Variants in RHBDL3 observed in about 807,000 individuals in gnomAD.
RHBDL3 encodes rhomboid like 3.
In RHBDL3, 28 loss-of-function variants were observed where a neutral mutation model predicts 48.2. That is an observed-to-expected ratio of 0.58 (90% CI 0.43 to 0.80). The LOEUF (loss-of-function observed/expected upper bound fraction) is 0.80. Ranked by LOEUF, RHBDL3 falls within the 30% of genes least tolerant of loss-of-function variation. RHBDL3 has a pLI of 0.00. For synonymous variants in RHBDL3, 208 were observed against 232.3 expected, an observed-to-expected ratio of 0.90 and a Z score of 0.95; for missense variants, 464 against 542.7, an observed-to-expected ratio of 0.85 and a Z score of 1.44.
Position 32,323,782 on chromosome 17 carries a change from A to G in RHBDL3, c.*2553A>G. 6.6e-6 allele frequency: 1 copy of G among 152,604 alleles called. No homozygotes were observed. Among genetic ancestry groups the G allele is most frequent in the Non-Finnish European group, 1.5e-5 (1 of 68,310 alleles). The allele number at this position is 152,604 out of a possible 1,614,324, so 9.5% of individuals were successfully genotyped here. A position where few individuals can be genotyped will look rare whatever the true frequency, so the allele number is the denominator to read the frequency against. ...CCAGCCCCAGCTGTTCTCTGTCAGC[A>G]CACCCACCTCCATCCCCTCTCCCAA... On this transcript the variant is annotated 3_prime_UTR_variant, in exon 9 of 9. Coordinates refer to ENST00000269051, the MANE Select transcript of RHBDL3 (RefSeq NM_138328.3).
chr17:32,277,117 G>A (rs1293863124), intron 2 of RHBDL3, among the ~76,000 whole-genome samples: 1 of 152,182 alleles, frequency 6.6e-6, no homozygotes, highest in Non-Finnish European at 1.5e-5. Flanking sequence ...CCACCTTCCT[G>A]ACTCAAGAGG....
chr17:32,297,974 A>AACAT, intron 5 of RHBDL3, 118 bp from the exon 6 acceptor site: 2 of 715,200 alleles, frequency 2.8e-6, no homozygotes, highest in South Asian at 3.4e-5. Context: ...TCGCAGGCAG[A>AACAT]GGTGGTCTTG....
chr17:32,267,447 G>T (rs987395498), intron 1 of RHBDL3, among the ~76,000 whole-genome samples: 5 of 151,382 alleles, frequency 3.3e-5, no homozygotes, highest in African/African-American at 1.2e-4. Context: ...GGAGGGGGGG[G>T]CTCTAGCTCC....
chr17:32,302,551 A>T (rs369560193), intron 6 of RHBDL3, among the ~76,000 whole-genome samples: 3,498 of 41,492 alleles, frequency 0.084, 51 homozygotes, highest in Middle Eastern at 0.17. Flanking sequence ...ATATATATAT[A>T]TTTTTTTTTA....
At chr17:32,284,398 G>C in intron 2 of RHBDL3, 1 of 402,940 alleles carries the variant, frequency 2.5e-6, no homozygotes, top group Admixed American at 4.1e-5. Flanking sequence ...GGTGAGAGGA[G>C]GCGGTTTAAC....
chr17:32,272,012 A>G (rs1184213860), intron 2 of RHBDL3, among the ~76,000 whole-genome samples: 5 of 152,220 alleles, frequency 3.3e-5, no homozygotes, highest in Non-Finnish European at 7.3e-5. Flanking sequence ...TTGTGATCGG[A>G]GGTAATTACA....
chr17:32,267,452 A>T (rs1376396982), intron 1 of RHBDL3, among the ~76,000 whole-genome samples: 2 of 147,898 alleles, frequency 1.4e-5, no homozygotes, highest in African/African-American at 5.2e-5. Flanking sequence ...GGGGGGCTCT[A>T]GCTCCCAGCA....
rs980119910 is a variant in RHBDL3 at position 32,309,793 on chromosome 17, T to C, written c.882+4352T>C. Among the ~76,000 whole-genome samples, 9 of 93,470 alleles carry C rather than the reference T, an allele frequency of 9.6e-5. No individual in the cohort carries two copies. The South Asian group carries it at 2.2e-3, about 23-fold the overall frequency. The allele number at this position is 93,470 out of a possible 152,430, so 61.3% of individuals were successfully genotyped here. A position where few individuals can be genotyped will look rare whatever the true frequency, so the allele number is the denominator to read the frequency against. ...TTCTTTTTTTTTTTTTTTTTTTTTT[T>C]TTTTGAGACAGGGTTTCGCTGTGTC... On this transcript the variant is annotated intron_variant, in intron 7 of 8. Coordinates refer to ENST00000269051, the MANE Select transcript of RHBDL3 (RefSeq NM_138328.3).
intron 7 of RHBDL3, 130 bp from the exon 8 acceptor site, chr17:32,316,102 T>C (rs2040966348): frequency 4.3e-6 from 3 of 705,842 alleles, no homozygotes; most frequent in Admixed American, 4.3e-5. Context: ...TGTGTTCTGC[T>C]ACTAAGCCAC....
chr17:32,278,203 C>A (rs1040191713), intron 2 of RHBDL3, among the ~76,000 whole-genome samples: 22 of 152,294 alleles, frequency 1.4e-4, no homozygotes, highest in Admixed American at 6.5e-4. Flanking sequence ...GAGGCTGAGG[C>A]AGGAAAATTG....
At chr17:32,274,270 G>C (rs781704434) in intron 2 of RHBDL3, among the ~76,000 whole-genome samples, 1 of 152,196 alleles carries the variant, frequency 6.6e-6, no homozygotes, top group Non-Finnish European at 1.5e-5. Flanking sequence ...TCCTCTGTCT[G>C]GTGTTCTGAT....
Position 32,321,507 on chromosome 17 carries a change from T to TGAGGGAGGG in RHBDL3, c.*278_*279insGAGGGAGGG. ...CTGGGGTGGGGTGTGAGAGTGGCCC[T>TGAGGGAGGG]CCCTCACCTGGGCTGGGCTTCTTCC... On this transcript the variant is annotated 3_prime_UTR_variant, in exon 9 of 9. Coordinates refer to ENST00000269051, the MANE Select transcript of RHBDL3 (RefSeq NM_138328.3). 1 of 720,998 alleles carries TGAGGGAGGG rather than the reference T, an allele frequency of 1.4e-6. No individual in the cohort carries two copies. The highest frequency in any genetic ancestry group is 2.2e-6 in the Non-Finnish European group (1 of 459,284). The allele number at this position is 720,998 out of a possible 1,614,324, so 44.7% of individuals were successfully genotyped here.
At position 32,266,293 on chromosome 17, in the gene RHBDL3, C is replaced by T. The variant is rs764354150; in HGVS notation, c.104C>T (p.Pro35Leu). 5.5e-6 allele frequency: 8 copies of T among 1,461,912 alleles called. No individual in the cohort carries two copies. Among genetic ancestry groups the T allele is most frequent in the Non-Finnish European group, 5.4e-6 (6 of 1,111,816 alleles). 90.6% of individuals were successfully genotyped at this position (1,461,912 alleles called of 1,614,324 possible). ...GCCGAGGAGCGGCTGCCCGCGGCGC[C>T]GGAGGACGTGAGTGCCCCCTCCCCG... ...PEAEERLPAA[P>L]EDHWKVLFDQ... The change falls in exon 1 of 9, where the codon CCG (proline) becomes CTG (leucine). Residue 35 changes from proline (P) to leucine (L), a missense_variant. Physicochemically the swap from Pro to Leu is moderately conservative, Grantham distance 98 (BLOSUM62 -3). Transcript: ENST00000269051.
At chr17:32,293,232 C>G (rs1848635199) in intron 4 of RHBDL3, among the ~76,000 whole-genome samples, 1 of 151,852 alleles carries the variant, frequency 6.6e-6, no homozygotes, top group South Asian at 2.1e-4. Flanking sequence ...ATGAAGAGTT[C>G]TGTGGATGGA....
In RHBDL3 at chr17:32,321,267, C is replaced by G. The variant is rs772582214; in HGVS notation, c.*38C>G. 1.2e-6 allele frequency: 2 copies of G among 1,613,220 alleles called. No homozygotes were observed. Among genetic ancestry groups the G allele is most frequent in the African/African-American group, 2.7e-5 (2 of 74,950 alleles). ...CAAGGTCGGGGAGGGGAGGGAAAAG[C>G]AGCACCCACAGGGAGCGCCTGCGAG... On this transcript the variant is annotated 3_prime_UTR_variant, in exon 9 of 9. Coordinates refer to ENST00000269051, the MANE Select transcript of RHBDL3 (RefSeq NM_138328.3).
chr17:32,304,269 G>C (rs2040656435), intron 6 of RHBDL3, among the ~76,000 whole-genome samples: 1 of 152,188 alleles, frequency 6.6e-6, no homozygotes, highest in African/African-American at 2.4e-5. Flanking sequence ...GAGAGATGCT[G>C]TTGGCCTTTT....
chr17:32,274,374 C>T (rs2039846152), intron 2 of RHBDL3, among the ~76,000 whole-genome samples: 1 of 152,204 alleles, frequency 6.6e-6, no homozygotes, highest in South Asian at 2.1e-4. Context: ...GTGGCTTAAG[C>T]TGTGAACAAC....
At chr17:32,285,695 G>A (rs1401863741) in intron 3 of RHBDL3, among the ~76,000 whole-genome samples, 2 of 152,210 alleles carry the variant, frequency 1.3e-5, no homozygotes, top group East Asian at 3.8e-4. Context: ...AAGACCCAAA[G>A]TTTTTGCTGG....
rs1296265716 is a variant in RHBDL3, at chr17:32,324,322, AGG to A, written c.*3094_*3095del. Reference sequence around the variant, plus strand: ...TTCCATGAGAACCATTCTTGCCCAGAGGATTAGGGGAGCTGTTGCTCACCACA... The same window carrying A: ...TTCCATGAGAACCATTCTTGCCCAGAATTAGGGGAGCTGTTGCTCACCACA... On this transcript the variant is annotated 3_prime_UTR_variant, in exon 9 of 9. Transcript: ENST00000269051. The A allele has an allele frequency of 9.2e-5, 14 of 152,792 alleles. No individual in the cohort carries two copies. The East Asian group carries it at 2.5e-3, about 27-fold the overall frequency. 9.5% of individuals were successfully genotyped at this position (152,792 alleles called of 1,614,324 possible).
Sources: gnomAD v4.1 joint callset for allele counts (sites outside exome capture counted in the v4.1 genomes callset) on GRCh38, gnomAD v4.1.1 for gene constraint, MANE v1.5 for transcripts, NCBI Gene and HGNC (gene_info 2026-07-23, HGNC 2026-07-21) for gene names.